RAB34: variants seen among roughly 807,000 people sequenced by gnomAD.
RAB34 encodes the protein RAB34, member RAS oncogene family, also known as ras-related protein Rab-34.
Under a neutral mutation model 39.0 loss-of-function variants are expected in RAB34, and 33 were observed. The observed-to-expected ratio is 0.85, with a 90% CI of 0.64 to 1.13. RAB34 has a LOEUF of 1.13. Among genes scored for constraint, RAB34 ranks in the 50% most tolerant of loss-of-function variants. The pLI is 0.00. For synonymous variants in RAB34, 135 were observed against 125.1 expected (o/e 1.08, Z -0.53); for missense variants, 289 against 326.1 (o/e 0.89, Z 0.88).
At chr17:28,718,272 T>A, upstream of RAB34, 1 of 1,539,832 alleles carries the variant, frequency 6.5e-7, no homozygotes, top group Non-Finnish European at 8.7e-7. Flanking sequence ...ACTCATAGAG[T>A]CTGCCCCCTC....
At position 28,717,511 on chromosome 17, in the gene RAB34, G is replaced by A. The variant is rs1414322828; in HGVS notation, c.-245C>T. ...TCACCCGGGCCCTGGGCGTCCCGAA[G>A]ATGACTCTGGGGCGAGGAGACTCTT... On this transcript the variant is annotated 5_prime_UTR_variant, in exon 1 of 10. Transcript: ENST00000395245. The A allele has an allele frequency of 4.9e-6, 7 of 1,430,908 alleles. No homozygotes were observed. The African/African-American group carries it at 1.0e-4, about 21-fold the overall frequency. The allele number at this position is 1,430,908 out of a possible 1,614,324, so 88.6% of individuals were successfully genotyped here. A position where few individuals can be genotyped will look rare whatever the true frequency, so the allele number is the denominator to read the frequency against.
intron 5 of RAB34, 57 bp downstream of exon 5, chr17:28,715,584 T>C: frequency 6.2e-7 from 1 of 1,614,046 alleles, no homozygotes; most frequent in Non-Finnish European, 8.5e-7. Context: ...TCCAGCTCCA[T>C]ATGAGAAGCC....
At chr17:28,716,872 CCT>C (rs756430682) in intron 2 of RAB34, 29 bp downstream of exon 2, 18 of 1,599,684 alleles carry the variant, frequency 1.1e-5, no homozygotes, top group Non-Finnish European at 1.5e-5. Context: ...CCTGGGACCT[CCT>C]CTCTTTGTTG....
rs754011850 is a variant in RAB34, at chr17:28,715,112, T to G, written c.524A>C (p.Gln175Pro). 3 of 1,614,124 alleles carry G rather than the reference T, an allele frequency of 1.9e-6. No individual in the cohort carries two copies. Among genetic ancestry groups the G allele is most frequent in the South Asian group, 1.1e-5 (1 of 91,082 alleles). ...GSKKDLSTPA[Q>P]YALMEKDALQ... Reference sequence around the variant, plus strand: ...GGCGTCTTTCTCCATCAGCGCATACTGAGCAGGGGTCTGAGGGAAGGCCAG... The same window carrying G: ...GGCGTCTTTCTCCATCAGCGCATACGGAGCAGGGGTCTGAGGGAAGGCCAG... The change falls in exon 8 of 10, where the codon CAG becomes CCG. Residue 175 changes from glutamine (Q) to proline (P), a missense_variant. Gln to Pro is a moderately conservative substitution (Grantham distance 76). Transcript: ENST00000395245.
Position 28,715,477 on chromosome 17 carries a change from A to C in RAB34, c.410T>G (p.Val137Gly). Reference protein sequence around the residue: ...AIIIVFNLNDVASLEHTKQWL... With the variant: ...AIIIVFNLNDGASLEHTKQWL... The stretch of plus-strand genomic sequence containing the variant: ...TTACTTGGTATGTTCCAGAGATGCC[A>C]CATCATTCAGGTTGAAGACAATGAT... The change falls in exon 6 of 10, where the codon GTG (valine) becomes GGG (glycine). Residue 137 changes from valine to glycine, a missense_variant. Val to Gly is a moderately radical substitution (Grantham distance 109). Coordinates refer to ENST00000395245, the MANE Select transcript of RAB34 (RefSeq NM_031934.6). 1 of 1,613,986 alleles carries C rather than the reference A, an allele frequency of 6.2e-7. No individual in the cohort carries two copies. The highest frequency in any genetic ancestry group is 8.5e-7 in the Non-Finnish European group (1 of 1,180,024).
At chr17:28,715,355 C>A in intron 6 of RAB34, 79 bp from the exon 7 acceptor site, 15 of 1,578,204 alleles carry the variant, frequency 9.5e-6, no homozygotes, top group Non-Finnish European at 1.3e-5. Context: ...CCAATTACCC[C>A]CTCTCTGGTC....
chr17:28,717,106 A>G (rs2033595545), intron 1 of RAB34, 107 bp downstream of exon 1: 1 of 1,542,628 alleles, frequency 6.5e-7, no homozygotes. Context: ...CACCAGGCCT[A>G]GCTGGGTGGC....
Position 28,715,506 on chromosome 17 carries a change from G to A in RAB34, c.381C>T (p.Ala127=). 1 of 1,614,098 alleles carries A rather than the reference G, an allele frequency of 6.2e-7. No homozygotes were observed. Among genetic ancestry groups the A allele is most frequent in the Non-Finnish European group, 8.5e-7 (1 of 1,180,036 alleles). ...CATTCAGGTTGAAGACAATGATGAT[G>A]GCTGGAAGAGTGGCAGAAACAGCCC... is the stretch of plus-strand genomic sequence containing the variant. ...IASTYYRGAQ[A]IIIVFNLNDV... The change falls in exon 6 of 10, where the codon GCC becomes GCT. Residue 127 remains alanine, a splice_region_variant and synonymous_variant. Transcript: ENST00000395245.
Position 28,715,820 on chromosome 17 carries a change from G to T in RAB34, c.294C>A (p.Gly98=), listed in dbSNP as rs2033314858. The change falls in exon 4 of 10, where the codon GGC becomes GGA. Residue 98 remains glycine, a synonymous_variant. Transcript: ENST00000395245. ...DFEMERFEVL[G]IPFSLQLWDT... is the part of the protein sequence containing the mutation. ...CTCACAGCTGCAAACTGAAGGGAAT[G>T]CCCAGCACCTCAAATCGTTCCATCT... 1.2e-6 allele frequency: 2 copies of T among 1,613,960 alleles called. No individual in the cohort carries two copies. Among genetic ancestry groups the T allele is most frequent in the Non-Finnish European group, 1.7e-6 (2 of 1,179,880 alleles).
upstream of RAB34, chr17:28,718,383 G>A (rs939220835): frequency 1.2e-5 from 10 of 807,180 alleles, no homozygotes; most frequent in African/African-American, 1.3e-4. Context: ...GGAGAGAGAC[G>A]TCTGAAGTCT....
chr17:28,714,527 A>C lies in RAB34; in HGVS notation c.*116T>G. On this transcript the variant is annotated 3_prime_UTR_variant, in exon 10 of 10. Coordinates refer to ENST00000395245, the MANE Select transcript of RAB34 (RefSeq NM_031934.6). ...CCTCTGTGGGAATACTGCCACCAAG[A>C]GGCAGCTCTTTGGTCTGGATAAAGT... 1.2e-6 allele frequency: 2 copies of C among 1,605,680 alleles called. No homozygotes were observed. Among genetic ancestry groups the C allele is most frequent in the Non-Finnish European group, 1.7e-6 (2 of 1,174,198 alleles).
At position 28,716,723 on chromosome 17, in the gene RAB34, T is replaced by C. The variant is rs962843753; in HGVS notation, c.146+180A>G. On this transcript the variant is annotated intron_variant, in intron 2 of 9. Coordinates refer to ENST00000395245, the MANE Select transcript of RAB34 (RefSeq NM_031934.6). ...CACCCTTCTACCCAACCCCATCTCA[T>C]AGAACTCACAACAACCTTGTTGGGA... 1.2e-5 allele frequency: 8 copies of C among 673,400 alleles called. No homozygotes were observed. In the East Asian group the frequency reaches 1.3e-4, roughly 11 times the overall value. 41.7% of individuals were successfully genotyped at this position (673,400 alleles called of 1,614,324 possible).
At chr17:28,718,295 C>T, upstream of RAB34, 1 of 1,524,644 alleles carries the variant, frequency 6.6e-7, no homozygotes, top group Non-Finnish European at 8.8e-7. Context: ...GCCCTTCTGC[C>T]CTGGGAGGTC....
chr17:28,716,246 G>C, intron 2 of RAB34, 188 bp from the exon 3 acceptor site: 1 of 689,614 alleles, frequency 1.5e-6, no homozygotes, highest in South Asian at 2.0e-5. Context: ...TCCAGAAGCA[G>C]AGAGACATGA....
chr17:28,717,400 T>A lies in RAB34; in HGVS notation c.-134A>T, dbSNP rs2033693142. On this transcript the variant is annotated 5_prime_UTR_variant, in exon 1 of 10. Transcript: ENST00000395245. Reference sequence around the variant, plus strand: ...CTACAACTCGGGGCCACGGGGACCCTACGGGAGTCCGCGGTCTCGGAGACG... The same window carrying A: ...CTACAACTCGGGGCCACGGGGACCCAACGGGAGTCCGCGGTCTCGGAGACG... 1 of 1,508,462 alleles carries A rather than the reference T, an allele frequency of 6.6e-7. No individual in the cohort carries two copies. Among genetic ancestry groups the A allele is most frequent in the Admixed American group, 2.1e-5 (1 of 48,588 alleles). 93.4% of individuals were successfully genotyped at this position (1,508,462 alleles called of 1,614,324 possible).
intron 3 of RAB34, 40 bp from the exon 4 acceptor site, chr17:28,715,941 C>A (rs1010003305): frequency 6.2e-7 from 1 of 1,611,574 alleles, no homozygotes; most frequent in African/African-American, 1.3e-5. Context: ...AGCCAGCCCA[C>A]CTGGCTAGGC....
chr17:28,716,799 G>C (rs1392686040), intron 2 of RAB34, 104 bp downstream of exon 2: 7 of 1,306,396 alleles, frequency 5.4e-6, no homozygotes, highest in South Asian at 1.4e-5. Context: ...CCATATAGCT[G>C]GTAGGGGCTG....
chr17:28,715,748 G>T (rs1048879034), intron 4 of RAB34, 43 bp from the exon 5 acceptor site: 33 of 1,612,934 alleles, frequency 2.0e-5, no homozygotes, highest in Non-Finnish European at 2.4e-5. Context: ...TATCTTGGGG[G>T]GTGTGGGTGC....
intron 2 of RAB34, chr17:28,716,337 T>C: frequency 6.5e-6 from 3 of 458,524 alleles, no homozygotes; most frequent in Non-Finnish European, 7.8e-6. Flanking sequence ...AGTTTAAACA[T>C]TTAAGTAAAG....
Sources: gnomAD v4.1 joint callset for allele counts on GRCh38, gnomAD v4.1.1 for gene constraint, MANE v1.5 for transcripts, NCBI Gene and HGNC (gene_info 2026-07-23, HGNC 2026-07-21) for gene names.